Variants in ARHGAP31 observed in about 807,000 individuals in gnomAD.
The protein encoded by ARHGAP31 is rho GTPase-activating protein 31.
Under a neutral mutation model 113.9 loss-of-function variants are expected in ARHGAP31, and 34 were observed. The ratio of observed to expected loss-of-function variants is 0.30; its 90% CI spans 0.23 to 0.40. The LOEUF (loss-of-function observed/expected upper bound fraction) is 0.40. Ranked by LOEUF, ARHGAP31 falls within the 10% of genes least tolerant of loss-of-function variation. ARHGAP31 has a pLI of 1.00. For missense variants in ARHGAP31, 1,548 were observed against 1,767.1 expected (o/e 0.88, Z 2.22); for synonymous variants, 650 against 684.8 (o/e 0.95, Z 0.79).
At chr3:119,342,863 C>T (rs556912348) in intron 1 of ARHGAP31, among the ~76,000 whole-genome samples, 5 of 152,000 alleles carry the variant, frequency 3.3e-5, no homozygotes, top group South Asian at 2.1e-4. Context: ...GCAGGAGAAT[C>T]GCTTGAACCC....
rs568256330 is a variant in ARHGAP31 at position 119,296,048 on chromosome 3, A to G, written c.100+1044A>G. 5.9e-5 allele frequency among the ~76,000 whole-genome samples: 9 copies of G among 152,344 alleles called. No homozygotes were observed. In the East Asian group the frequency reaches 1.7e-3, roughly 29 times the overall value. On this transcript the variant is annotated intron_variant, in intron 1 of 11. Coordinates refer to ENST00000264245, the MANE Select transcript of ARHGAP31 (RefSeq NM_020754.4). Reference sequence around the variant, plus strand: ...ATAGATACAACAAAGGGGAAAACTAAGGGCTGTGTAACCGTGCGGAATAAT... The same window carrying G: ...ATAGATACAACAAAGGGGAAAACTAGGGGCTGTGTAACCGTGCGGAATAAT...
intron 1 of ARHGAP31, among the ~76,000 whole-genome samples, chr3:119,357,412 T>C (rs2080167675): frequency 1.3e-5 from 2 of 152,124 alleles, no homozygotes; most frequent in African/African-American, 4.8e-5. Flanking sequence ...ACCGCATTCC[T>C]GTGTGGGGCT....
rs1577007870 is a variant in ARHGAP31 at position 119,352,113 on chromosome 3, C to A, written c.101-13203C>A. ...GAACCACATAAGCCTTTATCAATTA[C>A]ACAAAGCACAGCAGCTTCATCAATG... On this transcript the variant is annotated intron_variant, in intron 1 of 11. Transcript: ENST00000264245. Among the ~76,000 whole-genome samples the A allele has an allele frequency of 2.0e-5, 3 of 152,198 alleles. No homozygotes were observed. In the East Asian group the frequency reaches 5.8e-4, roughly 29 times the overall value.
chr3:119,329,869 T>C (rs77438977), intron 1 of ARHGAP31: 20,962 of 985,450 alleles, frequency 0.021, 266 homozygotes, highest in East Asian at 0.058. Context: ...CCAAGCCTCA[T>C]TGTGTGAGTC....
At chr3:119,369,870 C>T (rs892076941) in intron 3 of ARHGAP31, among the ~76,000 whole-genome samples, 1 of 150,424 alleles carries the variant, frequency 6.6e-6, no homozygotes, top group African/African-American at 2.5e-5. Context: ...ACAACAACAA[C>T]AAAACCATCT....
chr3:119,312,833 TA>T (rs2079694714), intron 1 of ARHGAP31, among the ~76,000 whole-genome samples: 1 of 152,244 alleles, frequency 6.6e-6, no homozygotes, highest in South Asian at 2.1e-4. Flanking sequence ...TGGCTGGTGC[TA>T]CCCAGGAACT....
chr3:119,340,271 A>G (rs2079996369), intron 1 of ARHGAP31, among the ~76,000 whole-genome samples: 1 of 152,238 alleles, frequency 6.6e-6, no homozygotes, highest in South Asian at 2.1e-4. Context: ...TATGGCACAC[A>G]TGAAGGGTCT....
rs114159618 is a variant in ARHGAP31, at chr3:119,320,077, G to A, written c.100+25073G>A. Reference sequence around the variant, plus strand: ...CCTAGATTTCAATCCCAGAGCAAAAGCTTTGCCTTTTATCATAACACAGGT... The same window carrying A: ...CCTAGATTTCAATCCCAGAGCAAAAACTTTGCCTTTTATCATAACACAGGT... On this transcript the variant is annotated intron_variant, in intron 1 of 11. Coordinates refer to ENST00000264245, the MANE Select transcript of ARHGAP31 (RefSeq NM_020754.4). 4.2e-3 allele frequency among the ~76,000 whole-genome samples: 643 copies of A among 152,268 alleles called. 5 individuals carry two copies. Among genetic ancestry groups the A allele is most frequent in the African/African-American group, 0.015 (615 of 41,556 alleles).
Position 119,414,788 on chromosome 3 carries a change from T to C in ARHGAP31, c.2859T>C (p.His953=), listed in dbSNP as rs1351235158. Residue 953 remains histidine, a synonymous_variant, in exon 12 of 12, where the codon CAT becomes CAC. Coordinates refer to ENST00000264245, the MANE Select transcript of ARHGAP31 (RefSeq NM_020754.4). ...LSHRPSLRQS[H]SLDSKPTVKS... Reference sequence around the variant, plus strand: ...ACAGGCCCAGCCTTCGCCAGAGCCATTCTCTAGATAGCAAACCCACGGTTA... The same window carrying C: ...ACAGGCCCAGCCTTCGCCAGAGCCACTCTCTAGATAGCAAACCCACGGTTA... 1 of 1,614,190 alleles carries C rather than the reference T, an allele frequency of 6.2e-7. No individual in the cohort carries two copies. Among genetic ancestry groups the C allele is most frequent in the Non-Finnish European group, 8.5e-7 (1 of 1,180,030 alleles).
intron 1 of ARHGAP31, among the ~76,000 whole-genome samples, chr3:119,363,697 A>G (rs1201591609): frequency 6.6e-6 from 1 of 152,252 alleles, no homozygotes; most frequent in Non-Finnish European, 1.5e-5. Flanking sequence ...GTCTACCCAC[A>G]TAAAGATCCA....
In ARHGAP31 at chr3:119,381,581, A is replaced by G. The variant is rs925781328; in HGVS notation, c.431+595A>G. Reference sequence around the variant, plus strand: ...TGAAATTAGCTCCCTAACAAGTACCAAGATCCCTGTAGCTGGGAGAATTTT... The same window carrying G: ...TGAAATTAGCTCCCTAACAAGTACCGAGATCCCTGTAGCTGGGAGAATTTT... On this transcript the variant is annotated intron_variant, in intron 4 of 11. Coordinates refer to ENST00000264245, the MANE Select transcript of ARHGAP31 (RefSeq NM_020754.4). 5.9e-5 allele frequency among the ~76,000 whole-genome samples: 9 copies of G among 152,218 alleles called. 1 individual carries two copies. The highest frequency in any genetic ancestry group is 5.9e-4 in the Admixed American group (9 of 15,290).
chr3:119,415,287 T>G lies in ARHGAP31; in HGVS notation c.3358T>G (p.Trp1120Gly). The change falls in exon 12 of 12, where the codon TGG becomes GGG. Residue 1120 changes from tryptophan to glycine, a missense_variant. Coordinates refer to ENST00000264245, the MANE Select transcript of ARHGAP31 (RefSeq NM_020754.4). Reference sequence around the variant, plus strand: ...TGCCATTCCCATTGCTGACCTCTTCTGGTTTGAGAATGTGGCCTCATTTAG... The same window carrying G: ...TGCCATTCCCATTGCTGACCTCTTCGGGTTTGAGAATGTGGCCTCATTTAG... ...DPAIPIADLF[W>G]FENVASFSSP... 6.2e-7 allele frequency: 1 copy of G among 1,614,208 alleles called. No homozygotes were observed. The highest frequency in any genetic ancestry group is 1.3e-5 in the African/African-American group (1 of 75,054).
At chr3:119,376,313 A>C (rs564078779) in intron 3 of ARHGAP31, among the ~76,000 whole-genome samples, 1 of 152,094 alleles carries the variant, frequency 6.6e-6, no homozygotes, top group South Asian at 2.1e-4. Context: ...ACATGGTGAA[A>C]CCCCGTCTCT....
chr3:119,415,280 C>T lies in ARHGAP31; in HGVS notation c.3351C>T (p.Asp1117=). 1 of 1,614,188 alleles carries T rather than the reference C, an allele frequency of 6.2e-7. No homozygotes were observed. The highest frequency in any genetic ancestry group is 8.5e-7 in the Non-Finnish European group (1 of 1,180,034). Residue 1117 remains aspartate (D), a synonymous_variant, in exon 12 of 12, where the codon GAC becomes GAT. Coordinates refer to ENST00000264245, the MANE Select transcript of ARHGAP31 (RefSeq NM_020754.4). ...LNLDPAIPIA[D]LFWFENVASF... ...TGGACCCTGCCATTCCCATTGCTGA[C>T]CTCTTCTGGTTTGAGAATGTGGCCT...
chr3:119,370,626 T>A (rs2080290206), intron 3 of ARHGAP31, among the ~76,000 whole-genome samples: 1 of 152,086 alleles, frequency 6.6e-6, no homozygotes, highest in Non-Finnish European at 1.5e-5. Flanking sequence ...GTACTACATA[T>A]TGCTGTTTGG....
At chr3:119,375,247 C>G (rs892521479) in intron 3 of ARHGAP31, among the ~76,000 whole-genome samples, 22 of 152,180 alleles carry the variant, frequency 1.4e-4, no homozygotes, top group African/African-American at 5.1e-4. Context: ...CTTCACTGGG[C>G]TGAAGTTAAG....
At position 119,415,235 on chromosome 3, in the gene ARHGAP31, C is replaced by G. The variant is rs1453152571; in HGVS notation, c.3306C>G (p.Asn1102Lys). The G allele has an allele frequency of 1.2e-6, 2 of 1,614,214 alleles. No homozygotes were observed. Among genetic ancestry groups the G allele is most frequent in the Non-Finnish European group, 1.7e-6 (2 of 1,180,034 alleles). Reference sequence around the variant, plus strand: ...AGTGTGGGCCCCCAAAAGGGAAAAACAGGCCTTCTTCCCTCAACTTGGACC... The same window carrying G: ...AGTGTGGGCCCCCAAAAGGGAAAAAGAGGCCTTCTTCCCTCAACTTGGACC... ...STECGPPKGK[N>K]RPSSLNLDPA... The change falls in exon 12 of 12, where the codon AAC becomes AAG. Residue 1102 changes from asparagine (N) to lysine (K), a missense_variant. By Grantham distance (94) the Asn-to-Lys change is moderately conservative. Transcript: ENST00000264245.
rs557883933 is a variant in ARHGAP31 at position 119,327,903 on chromosome 3, G to T, written c.100+32899G>T. On this transcript the variant is annotated intron_variant, in intron 1 of 11. Transcript: ENST00000264245. ...GCACAAGTAAATTCAACATTCAGAG[G>T]CAGGAGAAACTGAAATAATCCATCT... Among the ~76,000 whole-genome samples the T allele has an allele frequency of 4.5e-4, 68 of 152,316 alleles. 1 individual carries two copies. The South Asian group carries it at 0.014, about 31-fold the overall frequency.
At chr3:119,387,913 A>T (rs1049749394) in intron 6 of ARHGAP31, among the ~76,000 whole-genome samples, 1 of 152,214 alleles carries the variant, frequency 6.6e-6, no homozygotes, top group African/African-American at 2.4e-5. Context: ...TTGGGGGTAT[A>T]ATTTTGGGAC....
Sources: gnomAD v4.1 joint callset for allele counts (sites outside exome capture counted in the v4.1 genomes callset) on GRCh38, gnomAD v4.1.1 for gene constraint, MANE v1.5 for transcripts, NCBI Gene and HGNC (gene_info 2026-07-23, HGNC 2026-07-21) for gene names.